TAFA1: variants seen among roughly 807,000 people sequenced by gnomAD.
The protein encoded by TAFA1 is chemokine-like protein TAFA-1.
In TAFA1, 4 loss-of-function variants were observed where a neutral mutation model predicts 18.5. That is an observed-to-expected ratio of 0.22 (90% CI 0.11 to 0.49). TAFA1 has a LOEUF of 0.49. TAFA1 is among the 20% of genes least tolerant of loss of function. The probability of loss-of-function intolerance (pLI) is 0.98; values close to 1 mark genes in which losing one functional copy is unlikely to be tolerated. For missense variants in TAFA1, 147 were observed against 169.0 expected (o/e 0.87, Z 0.72); for synonymous variants, 56 against 55.2 (o/e 1.01, Z -0.06).
intron 3 of TAFA1, among the ~76,000 whole-genome samples, chr3:68,530,056 A>G (rs2073168878): frequency 6.6e-6 from 1 of 151,554 alleles, no homozygotes; most frequent in African/African-American, 2.4e-5. Flanking sequence ...GTATTGAGAA[A>G]CTCTGATCTA....
intron 3 of TAFA1, among the ~76,000 whole-genome samples, chr3:68,488,776 T>G (rs2072395913): frequency 1.3e-5 from 2 of 152,338 alleles, no homozygotes; most frequent in African/African-American, 4.8e-5. Flanking sequence ...TTATTAGTAG[T>G]GGAATTAAAG....
intron 2 of TAFA1, chr3:68,247,866 TG>T (rs1179687425): frequency 6.7e-6 from 1 of 150,240 alleles, no homozygotes; most frequent in Non-Finnish European, 1.5e-5. Flanking sequence ...TCAATTGGTC[TG>T]ATCTCCCTTT....
intron 2 of TAFA1, among the ~76,000 whole-genome samples, chr3:68,049,980 G>A (rs991767691): frequency 1.3e-5 from 2 of 152,078 alleles, no homozygotes; most frequent in Admixed American, 6.6e-5. Context: ...TAAGAATGTG[G>A]ACTCTGGAGC....
chr3:68,170,162 T>G (rs556773355), intron 2 of TAFA1, among the ~76,000 whole-genome samples: 1 of 152,328 alleles, frequency 6.6e-6, no homozygotes, highest in African/African-American at 2.4e-5. Context: ...CACCCTGTCC[T>G]CAGATCTGCA....
chr3:68,370,554 T>A (rs1169520269), intron 2 of TAFA1, among the ~76,000 whole-genome samples: 1 of 111,100 alleles, frequency 9.0e-6, no homozygotes, highest in East Asian at 2.8e-4. Flanking sequence ...TTAACCAGAG[T>A]GAAATAGCTC....
At chr3:68,291,606 TG>T (rs980092278) in intron 2 of TAFA1, among the ~76,000 whole-genome samples, 1 of 151,920 alleles carries the variant, frequency 6.6e-6, no homozygotes, top group Admixed American at 6.6e-5. Flanking sequence ...AACGAGTCAT[TG>T]TATAAAAAAG....
intron 3 of TAFA1, among the ~76,000 whole-genome samples, chr3:68,528,258 C>G (rs1192765845): frequency 4.6e-5 from 7 of 152,142 alleles, no homozygotes; most frequent in Non-Finnish European, 7.3e-5. Flanking sequence ...CCAGTTGTGA[C>G]TTTTAACTTC....
intron 2 of TAFA1, among the ~76,000 whole-genome samples, chr3:68,164,627 C>A: frequency 1.7e-5 from 1 of 60,224 alleles, no homozygotes; most frequent in African/African-American, 5.1e-5. Flanking sequence ...GTTCCTTTTG[C>A]AACGTGTGTG....
intron 2 of TAFA1, among the ~76,000 whole-genome samples, chr3:68,295,165 A>G (rs2068185624): frequency 6.6e-6 from 1 of 152,160 alleles, no homozygotes; most frequent in African/African-American, 2.4e-5. Context: ...TGTAAAATGA[A>G]ATGTAAACAT....
intron 2 of TAFA1, among the ~76,000 whole-genome samples, chr3:68,365,477 C>G (rs1420088522): frequency 6.6e-6 from 1 of 152,082 alleles, no homozygotes; most frequent in African/African-American, 2.4e-5. Context: ...TGCTCCAACA[C>G]TACAATGTAT....
intron 3 of TAFA1, among the ~76,000 whole-genome samples, chr3:68,497,528 G>C (rs1462359898): frequency 1.3e-5 from 2 of 152,134 alleles, no homozygotes; most frequent in African/African-American, 4.8e-5. Flanking sequence ...AGGGTGGAAG[G>C]GTGGGAGGTT....
chr3:68,347,374 C>G (rs910822674), intron 2 of TAFA1, among the ~76,000 whole-genome samples: 2 of 152,190 alleles, frequency 1.3e-5, no homozygotes, highest in African/African-American at 4.8e-5. Context: ...GTTTTAAATT[C>G]TGTTATTGTT....
chr3:68,366,232 C>G (rs1233048053), intron 2 of TAFA1, among the ~76,000 whole-genome samples: 1 of 152,040 alleles, frequency 6.6e-6, no homozygotes, highest in Non-Finnish European at 1.5e-5. Flanking sequence ...AGCTACAATT[C>G]AAGATGAGAT....
rs1575572147 is a variant in TAFA1 at position 68,010,751 on chromosome 3, T to C, written c.118+4007T>C. ...GTAAAATGTGCTGTAGATTAACAGA[T>C]TTGTAATTTCAATAATTTAATATTT... On this transcript the variant is annotated intron_variant, in intron 2 of 4. Coordinates refer to ENST00000478136, the MANE Select transcript of TAFA1 (RefSeq NM_213609.4). Among the ~76,000 whole-genome samples, 4 of 152,334 alleles carry C rather than the reference T, an allele frequency of 2.6e-5. No homozygotes were observed. In the East Asian group the frequency reaches 7.7e-4, roughly 29 times the overall value.
intron 2 of TAFA1, among the ~76,000 whole-genome samples, chr3:68,039,567 T>C (rs2106673912): frequency 6.6e-6 from 1 of 152,320 alleles, no homozygotes; most frequent in South Asian, 2.1e-4. Context: ...AGTCAAAGAT[T>C]GTGTAGCATT....
At chr3:68,226,675 A>G (rs2066804946) in intron 2 of TAFA1, among the ~76,000 whole-genome samples, 1 of 152,196 alleles carries the variant, frequency 6.6e-6, no homozygotes, top group Non-Finnish European at 1.5e-5. Flanking sequence ...TGTATATTAT[A>G]CTACTTAAGA....
At chr3:68,014,362 C>T (rs561923541) in intron 2 of TAFA1, among the ~76,000 whole-genome samples, 2 of 152,260 alleles carry the variant, frequency 1.3e-5, no homozygotes, top group Non-Finnish European at 2.9e-5. Context: ...CTAGCTTTAG[C>T]CGAGTGAGAA....
intron 4 of TAFA1, among the ~76,000 whole-genome samples, chr3:68,539,894 G>A (rs891404805): frequency 1.3e-5 from 2 of 151,910 alleles, no homozygotes; most frequent in Non-Finnish European, 2.9e-5. Flanking sequence ...CAAAATGCTG[G>A]GATTACAGGC....
At chr3:68,034,548 A>T (rs1393367555) in intron 2 of TAFA1, among the ~76,000 whole-genome samples, 1 of 152,218 alleles carries the variant, frequency 6.6e-6, no homozygotes, top group Non-Finnish European at 1.5e-5. Context: ...AATGGACTCT[A>T]TTGTGACCTA....
Sources: gnomAD v4.1 joint callset for allele counts (sites outside exome capture counted in the v4.1 genomes callset) on GRCh38, gnomAD v4.1.1 for gene constraint, MANE v1.5 for transcripts, NCBI Gene and HGNC (gene_info 2026-07-23, HGNC 2026-07-21) for gene names.